NECTIN1: variants seen among roughly 807,000 people sequenced by gnomAD.
The protein encoded by NECTIN1 is nectin cell adhesion molecule 1, also known as nectin-1.
NECTIN1 carries 23 observed loss-of-function variants against 48.0 expected under a neutral mutation model. That is an observed-to-expected ratio of 0.48 (90% CI 0.34 to 0.68). The LOEUF (loss-of-function observed/expected upper bound fraction) is 0.68, where lower values mean the gene tolerates loss of function less well. Among genes scored for constraint, NECTIN1 ranks in the 30% least tolerant of loss-of-function variants. The probability of loss-of-function intolerance (pLI) is 0.01; values close to 1 mark genes in which losing one functional copy is unlikely to be tolerated. For synonymous variants in NECTIN1, 270 were observed against 288.9 expected (o/e 0.93, Z 0.66); for missense variants, 591 against 709.9 (o/e 0.83, Z 1.90).
Position 119,667,476 on chromosome 11 carries a change from A to T in NECTIN1, c.1004-2179T>A, listed in dbSNP as rs117083640. Among the ~76,000 whole-genome samples, 1,471 of 152,360 alleles carry T rather than the reference A, an allele frequency of 9.7e-3. 21 individuals are homozygous for T. The highest frequency in any genetic ancestry group is 0.045 in the East Asian group (234 of 5,188). On this transcript the variant is annotated intron_variant, in intron 5 of 5. Transcript: ENST00000264025. ...CAGCACATGCAGATGTTAAGGGAAC[A>T]GGCAGGGAAGTGCAGGGTGCAGGGG...
chr11:119,638,369 C>G, intron 7 of NECTIN1: 1 of 1,288,298 alleles, frequency 7.8e-7, no homozygotes, highest in South Asian at 1.3e-5. Context: ...CTGGCATCCC[C>G]CACACTGGTG....
intron 1 of NECTIN1, among the ~76,000 whole-genome samples, chr11:119,717,420 C>T (rs1175203056): frequency 6.6e-6 from 1 of 152,170 alleles, no homozygotes; most frequent in Non-Finnish European, 1.5e-5. Flanking sequence ...TAGGAGGGTG[C>T]CTCAACGGCA....
chr11:119,701,714 C>T (rs1195082610), intron 1 of NECTIN1, among the ~76,000 whole-genome samples: 1 of 152,146 alleles, frequency 6.6e-6, no homozygotes, highest in African/African-American at 2.4e-5. Context: ...ATAAAGAAAG[C>T]CTAATTTATT....
intron 1 of NECTIN1, among the ~76,000 whole-genome samples, chr11:119,692,152 G>T (rs536109998): frequency 1.3e-5 from 2 of 152,188 alleles, no homozygotes; most frequent in African/African-American, 2.4e-5. Flanking sequence ...AATCTATCAG[G>T]AGCCTCGCCC....
Position 119,673,526 on chromosome 11 carries a change from G to A in NECTIN1, c.1003+1633C>T, listed in dbSNP as rs560953365. Among the ~76,000 whole-genome samples, 25 of 152,286 alleles carry A rather than the reference G, an allele frequency of 1.6e-4. No individual in the cohort carries two copies. The highest frequency in any genetic ancestry group is 6.0e-4 in the African/African-American group (25 of 41,552). ...TGATCGTAAGAAGCCTGAGACAAGTGTGAGTATCCCCATATCAGAGGTTAG... is the reference window on the plus strand; with the variant it reads ...TGATCGTAAGAAGCCTGAGACAAGTATGAGTATCCCCATATCAGAGGTTAG... On this transcript the variant is annotated intron_variant, in intron 5 of 5. Coordinates refer to ENST00000264025, the MANE Select transcript of NECTIN1 (RefSeq NM_002855.5). This position sits in a 1 kb window ranked among gnomAD's most constrained non-coding sequence, Gnocchi z 5.8.
intron 1 of NECTIN1, among the ~76,000 whole-genome samples, chr11:119,708,748 C>T (rs941133263): frequency 4.6e-5 from 7 of 151,824 alleles, no homozygotes; most frequent in African/African-American, 1.5e-4. Flanking sequence ...TTCAGGAGGG[C>T]GAATTTTGTG....
At position 119,669,100 on chromosome 11, in the gene NECTIN1, A is replaced by G. The variant is rs77375168; in HGVS notation, c.1004-3803T>C. The stretch of plus-strand genomic sequence containing the variant: ...TTTCACAGGAATGACTGGTGTCCCA[A>G]CTAGTTTGTAAGTTATAATTGAAAA... On this transcript the variant is annotated intron_variant, in intron 5 of 5. Coordinates refer to ENST00000264025, the MANE Select transcript of NECTIN1 (RefSeq NM_002855.5). Among the ~76,000 whole-genome samples, 472 of 152,334 alleles carry G rather than the reference A, an allele frequency of 3.1e-3. 1 individual carries two copies. Among genetic ancestry groups the G allele is most frequent in the Non-Finnish European group, 5.4e-3 (365 of 68,020 alleles).
At chr11:119,674,557 C>T (rs1864916155) in intron 5 of NECTIN1, 3 of 1,614,082 alleles carry the variant, frequency 1.9e-6, no homozygotes, top group Middle Eastern at 1.6e-4. Flanking sequence ...GACATCAAGC[C>T]CATGCTCCTT....
chr11:119,688,858 G>C (rs1181008573), intron 1 of NECTIN1, among the ~76,000 whole-genome samples: 1 of 152,034 alleles, frequency 6.6e-6, no homozygotes, highest in Non-Finnish European at 1.5e-5. Flanking sequence ...AGGGTCCTCT[G>C]GGGAGCTGGC....
At chr11:119,702,174 A>G (rs1253177356) in intron 1 of NECTIN1, among the ~76,000 whole-genome samples, 1 of 152,048 alleles carries the variant, frequency 6.6e-6, no homozygotes, top group Non-Finnish European at 1.5e-5. Context: ...ATCTCTAGAC[A>G]CTGGAGGGGT....
chr11:119,639,601 T>A, intron 6 of NECTIN1: 1 of 543,884 alleles, frequency 1.8e-6, no homozygotes, highest in South Asian at 2.0e-5. Flanking sequence ...ATGGTAATCA[T>A]GCACCTGCTC....
intron 5 of NECTIN1, chr11:119,641,983 C>G (rs1226352790): frequency 6.6e-6 from 1 of 152,136 alleles, no homozygotes; most frequent in Admixed American, 6.5e-5. Flanking sequence ...CCTGCCTTGG[C>G]CTCCCAAAGT....
chr11:119,691,251 T>C (rs1865246676), intron 1 of NECTIN1, among the ~76,000 whole-genome samples: 1 of 152,068 alleles, frequency 6.6e-6, no homozygotes, highest in Non-Finnish European at 1.5e-5. Flanking sequence ...CGAAGCAAAC[T>C]CCACGCATGG....
rs1864670889 is a variant in NECTIN1 at position 119,661,837 on chromosome 11, T to TGTGTACATGCGTGTACACATGCCTGCGC, written c.*2882_*2909dup. ...GGCCATCTGGCTGTGCATGCATGCGTGTGTACATGCGTGTACACATGCCTG... is the reference window on the plus strand; with the variant it reads ...GGCCATCTGGCTGTGCATGCATGCGTGTGTACATGCGTGTACACATGCCTGCGCGTGTACATGCGTGTACACATGCCTG... On this transcript the variant is annotated 3_prime_UTR_variant, in exon 6 of 6. Coordinates refer to ENST00000264025, the MANE Select transcript of NECTIN1 (RefSeq NM_002855.5). 2 of 985,238 alleles carry TGTGTACATGCGTGTACACATGCCTGCGC rather than the reference T, an allele frequency of 2.0e-6. No individual in the cohort carries two copies. The highest frequency in any genetic ancestry group is 2.3e-4 in the East Asian group (2 of 8,768). 61.0% of individuals were successfully genotyped at this position (985,238 alleles called of 1,614,324 possible). A position where few individuals can be genotyped will look rare whatever the true frequency, so the allele number is the denominator to read the frequency against.
Position 119,709,891 on chromosome 11 carries a change from A to G in NECTIN1, c.79+18584T>C, listed in dbSNP as rs1865607386. On this transcript the variant is annotated intron_variant, in intron 1 of 5. Coordinates refer to ENST00000264025, the MANE Select transcript of NECTIN1 (RefSeq NM_002855.5). The surrounding 1 kb of genome is among the most constrained non-coding windows in gnomAD (Gnocchi z 4.1). ...ATGGAAACAGGCCGGAATAGAACAG[A>G]TGGTCTCCACTAGCCAAATTCCAAT... The G allele has an allele frequency of 1.3e-5, 2 of 152,282 alleles. No homozygotes were observed. Among genetic ancestry groups the G allele is most frequent in the Non-Finnish European group, 2.9e-5 (2 of 68,130 alleles). The allele number at this position is 152,282 out of a possible 1,614,324, so 9.4% of individuals were successfully genotyped here.
intron 1 of NECTIN1, among the ~76,000 whole-genome samples, chr11:119,679,673 C>T (rs377225712): frequency 5.9e-5 from 9 of 152,092 alleles, no homozygotes; most frequent in African/African-American, 1.9e-4. Context: ...TATTCAGCCA[C>T]GATTTGCCGA....
At chr11:119,638,805 T>G (rs1165493375) in exon 7 of NECTIN1, 1 of 1,613,538 alleles carries the variant, frequency 6.2e-7, no homozygotes, top group Non-Finnish European at 8.5e-7. Flanking sequence ...GGCTGGTCGG[T>G]CCTGGAGACA....
chr11:119,640,245 G>A, intron 5 of NECTIN1: 1 of 574,454 alleles, frequency 1.7e-6, no homozygotes, highest in South Asian at 2.0e-5. Context: ...TCTGATCCTG[G>A]GATCTGGGGC....
At chr11:119,691,157 C>T (rs920159561) in intron 1 of NECTIN1, among the ~76,000 whole-genome samples, 7 of 152,230 alleles carry the variant, frequency 4.6e-5, no homozygotes, top group Non-Finnish European at 7.3e-5. Flanking sequence ...CAGGTCTCAA[C>T]ATCAGTGCCA....
Sources: gnomAD v4.1 joint callset for allele counts (sites outside exome capture counted in the v4.1 genomes callset) on GRCh38, gnomAD v4.1.1 for gene constraint, Gnocchi (gnomAD v3.1) non-coding constraint, MANE v1.5 for transcripts, NCBI Gene and HGNC (gene_info 2026-07-23, HGNC 2026-07-21) for gene names.